The following SPECC1L variants were observed in gnomAD, a reference collection of about 807,000 sequenced individuals.
SPECC1L encodes the protein cytospin-A.
Under a neutral mutation model 116.8 loss-of-function variants are expected in SPECC1L, and 40 were observed. That is an observed-to-expected ratio of 0.34 (90% CI 0.27 to 0.45). The LOEUF (loss-of-function observed/expected upper bound fraction) is 0.45, where lower values mean the gene tolerates loss of function less well. Ranked by LOEUF, SPECC1L falls within the 20% of genes least tolerant of loss-of-function variation. The probability of loss-of-function intolerance (pLI) is 1.00; values close to 1 mark genes in which losing one functional copy is unlikely to be tolerated. For synonymous variants in SPECC1L, 504 were observed against 500.6 expected, an observed-to-expected ratio of 1.01 and a Z score of -0.09; for missense variants, 1,110 against 1,373.6, an observed-to-expected ratio of 0.81 and a Z score of 3.03.
At chr22:24,303,313 C>A (rs1268395672) in intron 3 of SPECC1L, among the ~76,000 whole-genome samples, 2 of 152,150 alleles carry the variant, frequency 1.3e-5, no homozygotes, top group African/African-American at 4.8e-5. Context: ...CGGAGATGCA[C>A]ACAGATTTTC....
At chr22:24,301,928 C>A (rs1258033075) in intron 2 of SPECC1L, among the ~76,000 whole-genome samples, 1 of 152,008 alleles carries the variant, frequency 6.6e-6, no homozygotes, top group Non-Finnish European at 1.5e-5. Flanking sequence ...TGCCTGTAGT[C>A]CCAACTACTC....
At chr22:24,359,429 C>T (rs774870537) in intron 11 of SPECC1L, among the ~76,000 whole-genome samples, 10 of 152,148 alleles carry the variant, frequency 6.6e-5, no homozygotes, top group East Asian at 1.9e-4. Flanking sequence ...AATGTGTTCA[C>T]GTCTCTTCCT....
intron 14 of SPECC1L, among the ~76,000 whole-genome samples, chr22:24,373,767 T>G (rs2041916119): frequency 2.0e-5 from 3 of 151,948 alleles, no homozygotes; most frequent in Admixed American, 1.3e-4. Context: ...AAGCGAAAAT[T>G]GACAAATGGG....
At chr22:24,398,187 TGTA>T (rs948938564) in intron 14 of SPECC1L, among the ~76,000 whole-genome samples, 6 of 152,232 alleles carry the variant, frequency 3.9e-5, no homozygotes, top group African/African-American at 1.4e-4. Flanking sequence ...ACTTTTGTGT[TGTA>T]GAAGGTGGAA....
intron 14 of SPECC1L, among the ~76,000 whole-genome samples, chr22:24,376,721 A>C (rs1188345013): frequency 6.6e-6 from 1 of 152,182 alleles, no homozygotes; most frequent in Admixed American, 6.5e-5. Context: ...AAAAGTCTCA[A>C]GTTTTGTTGA....
chr22:24,307,782 T>A (rs2049530663), intron 3 of SPECC1L, among the ~76,000 whole-genome samples: 1 of 152,046 alleles, frequency 6.6e-6, no homozygotes, highest in Non-Finnish European at 1.5e-5. Context: ...CAGGAGATCC[T>A]TCTGCCTCAC....
At chr22:24,304,238 T>C (rs950950230) in intron 3 of SPECC1L, among the ~76,000 whole-genome samples, 1 of 152,242 alleles carries the variant, frequency 6.6e-6, no homozygotes, top group South Asian at 2.1e-4. Context: ...CATTCATTTA[T>C]GGACACCCAC....
At chr22:24,310,209 A>G (rs187002792) in intron 3 of SPECC1L, among the ~76,000 whole-genome samples, 78 of 152,340 alleles carry the variant, frequency 5.1e-4, no homozygotes, top group African/African-American at 1.9e-3. Context: ...GTTGCTGTTT[A>G]ATACCTCATT....
intron 4 of SPECC1L, among the ~76,000 whole-genome samples, chr22:24,316,435 G>C (rs539871486): frequency 0.014 from 2,098 of 151,282 alleles, 28 homozygotes; most frequent in Middle Eastern, 0.051. Flanking sequence ...GCCTTCCGCA[G>C]TGTTTGTGTC....
At chr22:24,336,874 C>T (rs2146528509) in intron 9 of SPECC1L, among the ~76,000 whole-genome samples, 1 of 152,184 alleles carries the variant, frequency 6.6e-6, no homozygotes, top group Non-Finnish European at 1.5e-5. Context: ...TACAGTAGTG[C>T]CAGCGATACA....
intron 4 of SPECC1L, among the ~76,000 whole-genome samples, chr22:24,313,930 G>A (rs1012950022): frequency 6.6e-6 from 1 of 151,800 alleles, no homozygotes; most frequent in African/African-American, 2.4e-5. Context: ...GTAGAGATGG[G>A]GTTTCACCAT....
intron 10 of SPECC1L, among the ~76,000 whole-genome samples, chr22:24,345,213 G>A (rs898881297): frequency 5.9e-5 from 9 of 152,054 alleles, no homozygotes; most frequent in Non-Finnish European, 1.0e-4. Flanking sequence ...CAATCGGTAA[G>A]GAATAGTTTT....
chr22:24,320,000 T>G (rs1242617445), intron 4 of SPECC1L, among the ~76,000 whole-genome samples: 1 of 152,132 alleles, frequency 6.6e-6, no homozygotes, highest in Non-Finnish European at 1.5e-5. Context: ...GCCTGTAAAT[T>G]CAGTGGCTCA....
Position 24,322,459 on chromosome 22 carries a change from A to G in SPECC1L, c.1479A>G (p.Gln493=). 2 of 1,614,206 alleles carry G rather than the reference A, an allele frequency of 1.2e-6. No individual in the cohort carries two copies. The highest frequency in any genetic ancestry group is 2.2e-5 in the South Asian group (2 of 91,070). The change falls in exon 5 of 17, where the codon CAA becomes CAG. Residue 493 remains glutamine (Q), a synonymous_variant. Coordinates refer to ENST00000314328, the MANE Select transcript of SPECC1L (RefSeq NM_015330.6). ...GTGGGCGCTATATGGAATTAGAGCA[A>G]CGTTACATGGACCTCGCTGAGAATG... ...VKSGRYMELE[Q]RYMDLAENAR...
chr22:24,330,314 C>T lies in SPECC1L; in HGVS notation c.2279C>T (p.Ala760Val). 6.2e-7 allele frequency: 1 copy of T among 1,613,992 alleles called. No individual in the cohort carries two copies. Among genetic ancestry groups the T allele is most frequent in the East Asian group, 2.2e-5 (1 of 44,870 alleles). The stretch of plus-strand genomic sequence containing the variant: ...GATCTCCAGACTGCAGTAGTCATTG[C>T]AAATGACATTAAATCTGAAGCCCAA... ...QADLQTAVVI[A>V]NDIKSEAQEE... The change falls in exon 8 of 17, where the codon GCA becomes GTA. Residue 760 changes from alanine (A) to valine (V), a missense_variant. Coordinates refer to ENST00000314328, the MANE Select transcript of SPECC1L (RefSeq NM_015330.6).
chr22:24,322,764 C>A lies in SPECC1L; in HGVS notation c.1784C>A (p.Ser595Tyr). The part of the protein sequence containing the change: ...NEKQKVAELY[S>Y]IHNSGDKSDI... ...AAGCAGAAAGTGGCAGAGCTGTATTCTATCCATAACTCTGGAGACAAATCT... is the reference window on the plus strand; with the variant it reads ...AAGCAGAAAGTGGCAGAGCTGTATTATATCCATAACTCTGGAGACAAATCT... Residue 595 changes from serine (S) to tyrosine (Y), a missense_variant, in exon 5 of 17, where the codon TCT becomes TAT. Ser to Tyr is a moderately radical substitution (Grantham distance 144). This residue lies in a region of SPECC1L where 575 missense variants were observed against 682.4 expected (regional missense o/e 0.84). Coordinates refer to ENST00000314328, the MANE Select transcript of SPECC1L (RefSeq NM_015330.6). 1 of 1,581,416 alleles carries A rather than the reference C, an allele frequency of 6.3e-7. No homozygotes were observed. Among genetic ancestry groups the A allele is most frequent in the South Asian group, 1.2e-5 (1 of 84,426 alleles).
At chr22:24,342,672 CAAAA>C (rs35947804) in intron 10 of SPECC1L, among the ~76,000 whole-genome samples, 2 of 102,180 alleles carry the variant, frequency 2.0e-5, no homozygotes, top group Non-Finnish European at 4.1e-5. Context: ...GACTCCATCT[CAAAA>C]AAAAAAAAAA....
intron 14 of SPECC1L, among the ~76,000 whole-genome samples, chr22:24,387,725 C>T (rs2042187126): frequency 6.6e-6 from 1 of 152,002 alleles, no homozygotes; most frequent in African/African-American, 2.4e-5. Flanking sequence ...TTTTCTATTA[C>T]TATTGAAATT....
chr22:24,395,962 C>T (rs576419742), intron 14 of SPECC1L, among the ~76,000 whole-genome samples: 30 of 152,072 alleles, frequency 2.0e-4, no homozygotes, highest in African/African-American at 7.0e-4. Context: ...AGAGAAAATA[C>T]GGATTAAAAA....
Sources: gnomAD v4.1 joint callset for allele counts (sites outside exome capture counted in the v4.1 genomes callset) on GRCh38, gnomAD v4.1.1 for gene constraint, gnomAD v4.1.1 regional missense constraint, MANE v1.5 for transcripts, NCBI Gene and HGNC (gene_info 2026-07-23, HGNC 2026-07-21) for gene names.